Variants in EFCAB11 observed in about 807,000 individuals in gnomAD.
The protein encoded by EFCAB11 is EF-hand calcium binding domain 11.
EFCAB11 carries 14 observed loss-of-function variants against 23.0 expected under a neutral mutation model. That is an observed-to-expected ratio of 0.61 (90% CI 0.40 to 0.95). The LOEUF (loss-of-function observed/expected upper bound fraction) is 0.95, where lower values mean the gene tolerates loss of function less well. Ranked by LOEUF, EFCAB11 falls within the 40% of genes least tolerant of loss-of-function variation. The probability of loss-of-function intolerance (pLI) is 0.00; values close to 1 mark genes in which losing one functional copy is unlikely to be tolerated. For missense variants in EFCAB11, 198 were observed against 195.8 expected, an observed-to-expected ratio of 1.01 and a Z score of -0.07; for synonymous variants, 65 against 66.6, an observed-to-expected ratio of 0.98 and a Z score of 0.11.
chr14:89,947,077 T>C (rs1279640766), intron 3 of EFCAB11, among the ~76,000 whole-genome samples: 2 of 152,184 alleles, frequency 1.3e-5, no homozygotes, highest in Non-Finnish European at 2.9e-5. Context: ...TTTGGTTATA[T>C]TCATTACAGA....
chr14:89,840,107 C>T (rs560550048), intron 5 of EFCAB11, among the ~76,000 whole-genome samples: 2 of 152,322 alleles, frequency 1.3e-5, no homozygotes, highest in African/African-American at 2.4e-5. Context: ...TGCCCTTGTA[C>T]TATACTGTAG....
chr14:89,809,208 G>A (rs1176188754), intron 5 of EFCAB11, among the ~76,000 whole-genome samples: 3 of 152,200 alleles, frequency 2.0e-5, no homozygotes, highest in Non-Finnish European at 2.9e-5. Flanking sequence ...GCCTTAGTGA[G>A]TTGGGGAGGC....
At chr14:89,822,620 C>T (rs1345683983) in intron 5 of EFCAB11, among the ~76,000 whole-genome samples, 1 of 152,040 alleles carries the variant, frequency 6.6e-6, no homozygotes, top group Non-Finnish European at 1.5e-5. Context: ...TGAGTCTGGT[C>T]AAATATTGTA....
chr14:89,866,115 G>T (rs1888084726), intron 5 of EFCAB11, among the ~76,000 whole-genome samples: 1 of 152,098 alleles, frequency 6.6e-6, no homozygotes, highest in Non-Finnish European at 1.5e-5. Context: ...CTGCAATTTT[G>T]TCTGATCCTG....
At chr14:89,802,970 A>G (rs1209814391) in intron 5 of EFCAB11, among the ~76,000 whole-genome samples, 2 of 152,180 alleles carry the variant, frequency 1.3e-5, no homozygotes, top group Admixed American at 6.5e-5. Context: ...GGACCAGACA[A>G]TGCTCTGATA....
At chr14:89,815,876 AAATT>A (rs1317195428) in intron 5 of EFCAB11, among the ~76,000 whole-genome samples, 3 of 152,158 alleles carry the variant, frequency 2.0e-5, no homozygotes, top group Non-Finnish European at 4.4e-5. Flanking sequence ...GGAAAAATAA[AAATT>A]AAGAAGAAAA....
At chr14:89,855,750 T>C (rs112133676) in intron 5 of EFCAB11, among the ~76,000 whole-genome samples, 4,798 of 152,304 alleles carry the variant, frequency 0.032, 109 homozygotes, top group South Asian at 0.1. Flanking sequence ...TCTGCTACTT[T>C]GTATCCTCTG....
intron 5 of EFCAB11, among the ~76,000 whole-genome samples, chr14:89,811,172 G>C (rs1886140315): frequency 6.6e-6 from 1 of 151,958 alleles, no homozygotes; most frequent in Admixed American, 6.6e-5. Context: ...GACAGAGCAA[G>C]GTACATTCAA....
chr14:89,848,754 C>T (rs1186922801), intron 5 of EFCAB11: 1 of 152,190 alleles, frequency 6.6e-6, no homozygotes, highest in African/African-American at 2.4e-5. Flanking sequence ...TGGTGAAACC[C>T]TGTTTCTACT....
intron 5 of EFCAB11, among the ~76,000 whole-genome samples, chr14:89,871,167 G>C (rs2140162850): frequency 6.6e-6 from 1 of 152,260 alleles, no homozygotes; most frequent in Non-Finnish European, 1.5e-5. Context: ...TGGGTCTGAA[G>C]TTGGCAGACA....
chr14:89,953,836 G>C lies in EFCAB11; in HGVS notation c.171+70C>G. ...TTTATAAACATCCTAAGCTAGCCCT[G>C]TGAACTTTTCTTAGGATCCATTCAC... On this transcript the variant is annotated intron_variant, in intron 2 of 5. Coordinates refer to ENST00000316738, the MANE Select transcript of EFCAB11 (RefSeq NM_145231.4). 6 of 1,312,488 alleles carry C rather than the reference G, an allele frequency of 4.6e-6. No individual in the cohort carries two copies. The South Asian group carries it at 7.4e-5, about 16-fold the overall frequency. 81.3% of individuals were successfully genotyped at this position (1,312,488 alleles called of 1,614,324 possible).
intron 5 of EFCAB11, among the ~76,000 whole-genome samples, chr14:89,899,469 C>CA (rs1160586277): frequency 6.6e-6 from 1 of 151,886 alleles, no homozygotes; most frequent in Non-Finnish European, 1.5e-5. Flanking sequence ...TTCTTTTTTT[C>CA]ACGTTCTCTC....
intron 5 of EFCAB11, 101 bp from the exon 6 acceptor site, chr14:89,797,425 G>C (rs983152803): frequency 4.8e-6 from 5 of 1,040,980 alleles, no homozygotes; most frequent in Admixed American, 4.4e-5. Flanking sequence ...CTGTGTGAGA[G>C]AGGAACCTAT....
intron 5 of EFCAB11, among the ~76,000 whole-genome samples, chr14:89,865,000 C>A (rs1316244691): frequency 1.3e-5 from 2 of 152,214 alleles, no homozygotes; most frequent in Admixed American, 6.5e-5. Flanking sequence ...TGTCCCACAA[C>A]CTTAGAGAGA....
chr14:89,937,857 T>A (rs749476522), intron 3 of EFCAB11: 1 of 152,122 alleles, frequency 6.6e-6, no homozygotes, highest in Non-Finnish European at 1.5e-5. Flanking sequence ...CCAAACTACT[T>A]AATACATGTA....
chr14:89,914,224 T>A (rs1418665437), intron 5 of EFCAB11, among the ~76,000 whole-genome samples: 1 of 152,202 alleles, frequency 6.6e-6, no homozygotes, highest in Non-Finnish European at 1.5e-5. Flanking sequence ...CCTGGAAACA[T>A]CTTCTCATTA....
intron 2 of EFCAB11, among the ~76,000 whole-genome samples, chr14:89,953,316 A>G (rs1319854457): frequency 6.6e-6 from 1 of 152,130 alleles, no homozygotes; most frequent in East Asian, 1.9e-4. Flanking sequence ...AGGTTGATAT[A>G]TTGTTAAATG....
At chr14:89,888,061 G>A (rs1457941570) in intron 5 of EFCAB11, among the ~76,000 whole-genome samples, 3 of 152,050 alleles carry the variant, frequency 2.0e-5, no homozygotes, top group South Asian at 2.1e-4. Context: ...TAGATAATAC[G>A]GCCAATACAA....
intron 5 of EFCAB11, among the ~76,000 whole-genome samples, chr14:89,885,622 A>G (rs1888730511): frequency 1.3e-5 from 2 of 151,638 alleles, no homozygotes; most frequent in Admixed American, 1.3e-4. Flanking sequence ...GGTTGCAGTG[A>G]GCTGAGATCG....
Sources: allele counts gnomAD v4.1 joint callset (sites outside exome capture counted in the v4.1 genomes callset), GRCh38; gene constraint gnomAD v4.1.1; transcripts MANE v1.5; gene names NCBI Gene and HGNC (gene_info 2026-07-23, HGNC 2026-07-21).